RBFOX1: variants seen among roughly 807,000 people sequenced by gnomAD.
The protein encoded by RBFOX1 is RNA binding protein fox-1 homolog 1.
In RBFOX1, 8 loss-of-function variants were observed where a neutral mutation model predicts 57.7. The observed-to-expected ratio is 0.14, with a 90% CI of 0.08 to 0.25. RBFOX1 has a LOEUF of 0.25. Among genes scored for constraint, RBFOX1 ranks in the 10% least tolerant of loss-of-function variants. The pLI, the probability that RBFOX1 is intolerant of heterozygous loss-of-function variation, is 1.00. For synonymous variants in RBFOX1, 326 were observed against 222.4 expected (o/e 1.47, Z -4.15); for missense variants, 611 against 548.5 (o/e 1.11, Z -1.14).
chr16:5,913,652 G>A (rs1040559313), intron 4 of RBFOX1, among the ~76,000 whole-genome samples: 5 of 152,216 alleles, frequency 3.3e-5, no homozygotes, highest in African/African-American at 1.2e-4. Context: ...ACATTACCCA[G>A]TCTCAGGTAT....
intron 4 of RBFOX1, among the ~76,000 whole-genome samples, chr16:5,985,233 C>G (rs2060263444): frequency 6.6e-6 from 1 of 151,672 alleles, no homozygotes; most frequent in Non-Finnish European, 1.5e-5. Flanking sequence ...ACCTCCTGAT[C>G]CATCCCCCTC....
intron 2 of RBFOX1, among the ~76,000 whole-genome samples, chr16:6,351,405 C>A (rs2086368572): frequency 9.4e-6 from 1 of 106,242 alleles, no homozygotes; most frequent in Non-Finnish European, 1.8e-5. Flanking sequence ...CAGAGTTTTG[C>A]TCTTGTTGCC....
chr16:7,391,467 T>G (rs893841118), intron 4 of RBFOX1, among the ~76,000 whole-genome samples: 2 of 152,218 alleles, frequency 1.3e-5, no homozygotes, highest in Non-Finnish European at 2.9e-5. Context: ...TGGACTTCTT[T>G]CCTCCCTTTC....
chr16:6,781,882 C>G (rs558137670), intron 3 of RBFOX1, among the ~76,000 whole-genome samples: 34 of 151,888 alleles, frequency 2.2e-4, no homozygotes, highest in African/African-American at 6.0e-4. Context: ...TTTGTATTTT[C>G]TCTCAATTTC....
chr16:6,848,235 C>G (rs761905124), intron 3 of RBFOX1, among the ~76,000 whole-genome samples: 4 of 152,038 alleles, frequency 2.6e-5, no homozygotes, highest in Non-Finnish European at 5.9e-5. Context: ...GGGCCCATGA[C>G]CATTCAAAGG....
intron 3 of RBFOX1, among the ~76,000 whole-genome samples, chr16:5,798,292 A>G (rs1235442374): frequency 6.6e-6 from 1 of 152,210 alleles, no homozygotes; most frequent in African/African-American, 2.4e-5. Flanking sequence ...ACATAATTCA[A>G]ACAACACATT....
rs375888159 is a variant in RBFOX1, at chr16:7,671,532, A to G, written c.931-5242A>G. On this transcript the variant is annotated intron_variant, in intron 13 of 15. Coordinates refer to ENST00000550418, the MANE Select transcript of RBFOX1 (RefSeq NM_018723.4). ...TATTTATTTCATTTTTGCATTGAAA[A>G]CATTACATTTCTGTTTCCTTATAGA... The G allele has an allele frequency of 2.1e-5, 34 of 1,587,702 alleles. No individual in the cohort carries two copies. In the African/African-American group the frequency reaches 3.6e-4, roughly 17 times the overall value.
chr16:7,527,880 T>C (rs1223092224), intron 5 of RBFOX1, among the ~76,000 whole-genome samples: 1 of 152,214 alleles, frequency 6.6e-6, no homozygotes, highest in Non-Finnish European at 1.5e-5. Context: ...GAGAATACAT[T>C]CATCATAAGA....
intron 4 of RBFOX1, among the ~76,000 whole-genome samples, chr16:7,184,933 C>T (rs1922588): frequency 0.65 from 98,787 of 152,044 alleles, 32,965 homozygotes; most frequent in African/African-American, 0.8. Context: ...GCCCAAAGTA[C>T]GTTTGATACT....
chr16:6,691,527 C>T (rs77569210), intron 3 of RBFOX1, among the ~76,000 whole-genome samples: 17,296 of 151,986 alleles, frequency 0.11, 1,931 homozygotes, highest in East Asian at 0.42. Context: ...AAATGCGTTT[C>T]GCAGGTTTCC....
At chr16:6,260,090 C>T (rs1428575269) in intron 1 of RBFOX1, among the ~76,000 whole-genome samples, 10 of 152,034 alleles carry the variant, frequency 6.6e-5, no homozygotes, top group Non-Finnish European at 1.2e-4. Flanking sequence ...AGTAAATAGC[C>T]ACCACTGTAA....
chr16:7,298,105 A>C (rs1304901338), intron 4 of RBFOX1, among the ~76,000 whole-genome samples: 13 of 152,130 alleles, frequency 8.5e-5, no homozygotes, highest in Non-Finnish European at 1.5e-5. Flanking sequence ...TTTTCCAAGG[A>C]AAGACACTCA....
At chr16:7,451,425 A>G (rs2150215058) in intron 4 of RBFOX1, among the ~76,000 whole-genome samples, 1 of 152,192 alleles carries the variant, frequency 6.6e-6, no homozygotes, top group Middle Eastern at 3.4e-3. Context: ...GCAATAGGTA[A>G]GTTAACTTGG....
intron 1 of RBFOX1, among the ~76,000 whole-genome samples, chr16:5,252,457 G>T (rs2062476760): frequency 6.6e-6 from 1 of 152,202 alleles, no homozygotes; most frequent in Non-Finnish European, 1.5e-5. Context: ...AGTTCCGTGT[G>T]GGGGTTATCA....
At chr16:6,558,185 C>G (rs1209677838) in intron 2 of RBFOX1, among the ~76,000 whole-genome samples, 1 of 152,098 alleles carries the variant, frequency 6.6e-6, no homozygotes, top group South Asian at 2.1e-4. Context: ...AGAGCTGGAG[C>G]GTAACGTGCA....
chr16:5,543,298 G>T (rs779328988), intron 2 of RBFOX1, among the ~76,000 whole-genome samples: 1 of 151,882 alleles, frequency 6.6e-6, no homozygotes, highest in Admixed American at 6.6e-5. Flanking sequence ...TAGCAGAGAG[G>T]GACGTGTTTA....
At chr16:5,747,692 G>A (rs1246830701) in intron 3 of RBFOX1, among the ~76,000 whole-genome samples, 1 of 152,092 alleles carries the variant, frequency 6.6e-6, no homozygotes, top group Admixed American at 6.5e-5. Context: ...ATTCTTTGAT[G>A]GTAGTATTTC....
At chr16:6,187,567 T>A (rs1184638847) in intron 1 of RBFOX1, among the ~76,000 whole-genome samples, 1 of 152,142 alleles carries the variant, frequency 6.6e-6, no homozygotes, top group Non-Finnish European at 1.5e-5. Context: ...GAAAACAGAT[T>A]GGAGAAGACC....
At chr16:5,609,056 T>G (rs186534341) in intron 3 of RBFOX1, among the ~76,000 whole-genome samples, 7 of 152,230 alleles carry the variant, frequency 4.6e-5, no homozygotes, top group African/African-American at 1.7e-4. Flanking sequence ...GGAAGGAAGA[T>G]AAGGGGAGCA....
Sources: allele counts gnomAD v4.1 joint callset (sites outside exome capture counted in the v4.1 genomes callset), GRCh38; gene constraint gnomAD v4.1.1; transcripts MANE v1.5; gene names NCBI Gene and HGNC (gene_info 2026-07-23, HGNC 2026-07-21).